Variants in ZNF385B observed in about 807,000 individuals in gnomAD.
ZNF385B encodes the protein zinc finger protein 533.
Under a neutral mutation model 39.2 loss-of-function variants are expected in ZNF385B, and 23 were observed. That is an observed-to-expected ratio of 0.59 (90% CI 0.42 to 0.83). The LOEUF (loss-of-function observed/expected upper bound fraction) is 0.83. ZNF385B is among the 40% of genes least tolerant of loss of function. The pLI, the probability that ZNF385B is intolerant of heterozygous loss-of-function variation, is 0.00. For missense variants in ZNF385B, 552 were observed against 598.9 expected (o/e 0.92, Z 0.82); for synonymous variants, 205 against 222.6 (o/e 0.92, Z 0.70).
In ZNF385B at chr2:179,809,730, T is replaced by A. The variant is rs1335970176; in HGVS notation, c.-154-39058A>T. On this transcript the variant is annotated intron_variant, in intron 1 of 9. Transcript: ENST00000410066. ...GAGCAAAAAATCCATCGTATCTAAA[T>A]AACTCACAAAAATGCTATAATACTT... is the stretch of plus-strand genomic sequence containing the variant. Among the ~76,000 whole-genome samples, 4 of 152,066 alleles carry A rather than the reference T, an allele frequency of 2.6e-5. No individual in the cohort carries two copies. The East Asian group carries it at 7.7e-4, about 29-fold the overall frequency.
At chr2:179,688,303 T>C (rs778112794) in intron 3 of ZNF385B, among the ~76,000 whole-genome samples, 2 of 152,118 alleles carry the variant, frequency 1.3e-5, no homozygotes, top group Non-Finnish European at 2.9e-5. Context: ...TGGATCCTTT[T>C]CAGAATATTC....
chr2:179,847,399 A>G (rs1410963917), intron 1 of ZNF385B, among the ~76,000 whole-genome samples: 1 of 152,234 alleles, frequency 6.6e-6, no homozygotes, highest in Admixed American at 6.5e-5. Flanking sequence ...CATAATTAAT[A>G]CAATTTTCTC....
At chr2:179,452,747 T>G (rs1214526832) in intron 6 of ZNF385B, among the ~76,000 whole-genome samples, 2 of 152,156 alleles carry the variant, frequency 1.3e-5, no homozygotes, top group Non-Finnish European at 2.9e-5. Flanking sequence ...ACAAAAATTT[T>G]AAATTATTAA....
At chr2:179,753,661 A>G (rs1407663763) in intron 3 of ZNF385B, among the ~76,000 whole-genome samples, 1 of 152,146 alleles carries the variant, frequency 6.6e-6, no homozygotes, top group African/African-American at 2.4e-5. Context: ...CATCCCTTCT[A>G]AGATGGATTC....
intron 3 of ZNF385B, among the ~76,000 whole-genome samples, chr2:179,632,822 G>A (rs566385204): frequency 3.1e-4 from 47 of 151,998 alleles, no homozygotes; most frequent in Non-Finnish European, 4.1e-4. Flanking sequence ...TAATAAAGAC[G>A]AAAAGAGAGA....
intron 3 of ZNF385B, among the ~76,000 whole-genome samples, chr2:179,744,757 A>C (rs1292655539): frequency 1.3e-5 from 2 of 152,146 alleles, no homozygotes; most frequent in Non-Finnish European, 2.9e-5. Context: ...TCAAAGAAAA[A>C]TAGATTCCCC....
intron 6 of ZNF385B, among the ~76,000 whole-genome samples, chr2:179,475,529 C>G (rs181966929): frequency 3.3e-5 from 5 of 151,582 alleles, no homozygotes; most frequent in African/African-American, 1.2e-4. Context: ...GGATTACAGG[C>G]GTGAGCCACC....
chr2:179,812,979 T>G (rs1706831025), intron 1 of ZNF385B, among the ~76,000 whole-genome samples: 1 of 152,158 alleles, frequency 6.6e-6, no homozygotes, highest in East Asian at 1.9e-4. Flanking sequence ...TTCCATATTT[T>G]TATAACTATT....
chr2:179,690,970 G>A (rs1439926405), intron 3 of ZNF385B, among the ~76,000 whole-genome samples: 2 of 152,180 alleles, frequency 1.3e-5, no homozygotes, highest in Non-Finnish European at 2.9e-5. Flanking sequence ...GGAAGGTGAA[G>A]ATGACTCTGA....
chr2:179,700,992 G>A (rs1009096724), intron 3 of ZNF385B, among the ~76,000 whole-genome samples: 2 of 152,168 alleles, frequency 1.3e-5, no homozygotes, highest in South Asian at 2.1e-4. Flanking sequence ...CAGCCTGGGC[G>A]ACAGAGCAAG....
At chr2:179,503,027 G>A (rs140753807) in intron 5 of ZNF385B, among the ~76,000 whole-genome samples, 10 of 152,016 alleles carry the variant, frequency 6.6e-5, no homozygotes, top group South Asian at 4.2e-4. Context: ...GGTACTTGTC[G>A]CCAGGCTCTG....
rs547402393 is a variant in ZNF385B, at chr2:179,649,658, C to A, written c.299-104689G>T. Among the ~76,000 whole-genome samples, 5 of 151,970 alleles carry A rather than the reference C, an allele frequency of 3.3e-5. No individual in the cohort carries two copies. In the South Asian group the frequency reaches 6.2e-4, roughly 19 times the overall value. ...TATATCATATAATACAATTTGTGTG[C>A]ATGTATATATGTTTGCATGTTGTGT... On this transcript the variant is annotated intron_variant, in intron 3 of 9. Coordinates refer to ENST00000410066, the MANE Select transcript of ZNF385B (RefSeq NM_152520.6).
At chr2:179,523,520 T>C (rs936678079) in intron 4 of ZNF385B, among the ~76,000 whole-genome samples, 1 of 152,022 alleles carries the variant, frequency 6.6e-6, no homozygotes, top group Admixed American at 6.6e-5. Context: ...GAATCTAAGA[T>C]GGGGGCTGTG....
chr2:179,676,601 C>CGG (rs113143752), intron 3 of ZNF385B, among the ~76,000 whole-genome samples: 4 of 151,926 alleles, frequency 2.6e-5, no homozygotes, highest in African/African-American at 9.7e-5. Context: ...TGGAGAGCAG[C>CGG]GGGGGGACAG....
chr2:179,597,803 G>T (rs914513260), intron 3 of ZNF385B, among the ~76,000 whole-genome samples: 1 of 152,152 alleles, frequency 6.6e-6, no homozygotes, highest in Non-Finnish European at 1.5e-5. Flanking sequence ...TGCCCCATAA[G>T]TCTTTTTTTC....
chr2:179,745,492 G>A (rs1191300714), intron 3 of ZNF385B, among the ~76,000 whole-genome samples: 2 of 152,166 alleles, frequency 1.3e-5, no homozygotes, highest in Non-Finnish European at 2.9e-5. Flanking sequence ...CAAACAGCTA[G>A]CACAGAAAGA....
At chr2:179,664,253 T>C (rs1281706337) in intron 3 of ZNF385B, among the ~76,000 whole-genome samples, 1 of 152,126 alleles carries the variant, frequency 6.6e-6, no homozygotes, top group Non-Finnish European at 1.5e-5. Context: ...GAATTATCCA[T>C]TAATATTTCA....
chr2:179,657,156 C>G (rs1374469461), intron 3 of ZNF385B, among the ~76,000 whole-genome samples: 1 of 152,106 alleles, frequency 6.6e-6, no homozygotes, highest in African/African-American at 2.4e-5. Context: ...CACAACTGTA[C>G]TTCAGTCCAG....
At chr2:179,730,390 A>G (rs1701313358) in intron 3 of ZNF385B, among the ~76,000 whole-genome samples, 1 of 152,212 alleles carries the variant, frequency 6.6e-6, no homozygotes, top group Non-Finnish European at 1.5e-5. Flanking sequence ...TCACCATAAT[A>G]GGAACATTTC....
Sources: allele counts gnomAD v4.1 joint callset (sites outside exome capture counted in the v4.1 genomes callset), GRCh38; gene constraint gnomAD v4.1.1; transcripts MANE v1.5; gene names NCBI Gene and HGNC (gene_info 2026-07-23, HGNC 2026-07-21).